CCSER1: variants seen among roughly 807,000 people sequenced by gnomAD.
The protein encoded by CCSER1 is serine-rich coiled-coil domain-containing protein 1.
A neutral mutation model predicts 82.0 loss-of-function variants in CCSER1; 41 were observed. The ratio of observed to expected loss-of-function variants is 0.50; its 90% CI spans 0.39 to 0.65. The LOEUF is 0.65. Ranked by LOEUF, CCSER1 falls within the 30% of genes least tolerant of loss-of-function variation. The pLI is 0.00. For synonymous variants in CCSER1, 414 were observed against 383.9 expected, an observed-to-expected ratio of 1.08 and a Z score of -0.92; for missense variants, 1,119 against 1,064.2, an observed-to-expected ratio of 1.05 and a Z score of -0.72.
intron 10 of CCSER1, among the ~76,000 whole-genome samples, chr4:91,457,939 A>G (rs1263417889): frequency 2.0e-5 from 3 of 152,166 alleles, no homozygotes; most frequent in Non-Finnish European, 2.9e-5. Context: ...ATGTCAGACT[A>G]TGAACTGATG....
At chr4:90,643,423 G>A (rs1463543078) in intron 6 of CCSER1, among the ~76,000 whole-genome samples, 2 of 152,090 alleles carry the variant, frequency 1.3e-5, no homozygotes, top group African/African-American at 4.8e-5. Context: ...CCGTGACATT[G>A]GAGCATTAGT....
chr4:91,520,723 C>T (rs1319867649), intron 10 of CCSER1, among the ~76,000 whole-genome samples: 4 of 152,042 alleles, frequency 2.6e-5, no homozygotes, highest in Non-Finnish European at 4.4e-5. Context: ...GCAACAAATT[C>T]CCTTAGTTTC....
intron 4 of CCSER1, among the ~76,000 whole-genome samples, chr4:90,425,016 C>A (rs896993325): frequency 2.6e-5 from 4 of 152,144 alleles, no homozygotes; most frequent in Non-Finnish European, 5.9e-5. Flanking sequence ...TTCAGGCCAT[C>A]GTTTTCCTCT....
At chr4:90,604,166 A>C (rs777662805) in intron 5 of CCSER1, among the ~76,000 whole-genome samples, 4 of 152,226 alleles carry the variant, frequency 2.6e-5, no homozygotes, top group Admixed American at 6.5e-5. Flanking sequence ...GAGATCATGC[A>C]TTTAACAAAT....
At chr4:90,220,428 C>T (rs1019326711) in intron 1 of CCSER1, among the ~76,000 whole-genome samples, 1 of 151,762 alleles carries the variant, frequency 6.6e-6, no homozygotes, top group African/African-American at 2.4e-5. Context: ...TGATTTTTTC[C>T]CCTGCACATG....
intron 10 of CCSER1, among the ~76,000 whole-genome samples, chr4:91,178,598 A>G (rs935126444): frequency 1.3e-5 from 2 of 152,068 alleles, no homozygotes; most frequent in Non-Finnish European, 2.9e-5. Context: ...GTTGGTTTAA[A>G]GTCTGTTGTA....
intron 10 of CCSER1, among the ~76,000 whole-genome samples, chr4:91,246,445 C>T (rs374505843): frequency 1.4e-4 from 21 of 151,810 alleles, no homozygotes; most frequent in East Asian, 1.9e-4. Flanking sequence ...GAAGACAGGA[C>T]GGAAGGAAGG....
At chr4:90,628,000 T>A (rs201775873) in intron 5 of CCSER1, 25 bp from the exon 6 acceptor site, 1 of 1,553,420 alleles carries the variant, frequency 6.4e-7, no homozygotes, top group African/African-American at 2.0e-5. Flanking sequence ...ACTGTAATTT[T>A]TGTTCTTTTT....
intron 10 of CCSER1, among the ~76,000 whole-genome samples, chr4:91,398,352 A>G (rs1480206656): frequency 6.6e-6 from 1 of 151,982 alleles, no homozygotes; most frequent in East Asian, 1.9e-4. Context: ...TGAAAACTGA[A>G]TTAAAAAAGA....
intron 9 of CCSER1, among the ~76,000 whole-genome samples, chr4:91,077,165 C>A (rs116889800): frequency 1.3e-5 from 2 of 152,082 alleles, no homozygotes; most frequent in African/African-American, 4.8e-5. Flanking sequence ...AATAGGGAAC[C>A]CCCATTAAAT....
At chr4:90,671,368 G>A (rs1394571819) in intron 6 of CCSER1, among the ~76,000 whole-genome samples, 1 of 152,030 alleles carries the variant, frequency 6.6e-6, no homozygotes, top group Non-Finnish European at 1.5e-5. Flanking sequence ...TATCAACTAA[G>A]TTTATGTCAT....
intron 9 of CCSER1, among the ~76,000 whole-genome samples, chr4:90,997,087 A>T (rs1226769911): frequency 1.3e-5 from 2 of 152,188 alleles, no homozygotes; most frequent in Non-Finnish European, 2.9e-5. Flanking sequence ...ACAGTGATTT[A>T]AATAATACAA....
chr4:90,864,320 A>T (rs756426421), intron 8 of CCSER1, among the ~76,000 whole-genome samples: 75 of 151,934 alleles, frequency 4.9e-4, no homozygotes, highest in Non-Finnish European at 9.1e-4. Context: ...TGTCCCCCAA[A>T]GTTCATGTGT....
At chr4:90,555,697 T>G (rs751030743) in intron 5 of CCSER1, among the ~76,000 whole-genome samples, 111 of 152,160 alleles carry the variant, frequency 7.3e-4, no homozygotes, top group Non-Finnish European at 1.2e-3. Flanking sequence ...TAAAGAAAAT[T>G]AGTAGTCTTT....
intron 1 of CCSER1, among the ~76,000 whole-genome samples, chr4:90,157,308 T>A (rs965696149): frequency 1.1e-4 from 17 of 152,278 alleles, no homozygotes; most frequent in African/African-American, 3.4e-4. Context: ...CCCTTAACAT[T>A]TTTTCCTTCA....
At chr4:90,168,251 C>A (rs1730906434) in intron 1 of CCSER1, among the ~76,000 whole-genome samples, 1 of 151,998 alleles carries the variant, frequency 6.6e-6, no homozygotes, top group African/African-American at 2.4e-5. Flanking sequence ...TTTCATGTGT[C>A]TTTTGGCTGC....
chr4:90,233,893 T>C (rs1467382260), intron 1 of CCSER1, among the ~76,000 whole-genome samples: 2 of 152,198 alleles, frequency 1.3e-5, no homozygotes, highest in Non-Finnish European at 2.9e-5. Context: ...AATCATTTAT[T>C]GGACACAATT....
At chr4:91,118,901 C>T (rs2148887608) in intron 10 of CCSER1, among the ~76,000 whole-genome samples, 1 of 152,160 alleles carries the variant, frequency 6.6e-6, no homozygotes, top group African/African-American at 2.4e-5. Context: ...ATTTAGAAAC[C>T]TTGATAATAT....
At chr4:91,492,715 G>A (rs963648373) in intron 10 of CCSER1, among the ~76,000 whole-genome samples, 2 of 152,022 alleles carry the variant, frequency 1.3e-5, no homozygotes, top group Non-Finnish European at 2.9e-5. Flanking sequence ...ATTTCTCTCT[G>A]GTCTAAGGCT....
Sources: allele counts gnomAD v4.1 joint callset (sites outside exome capture counted in the v4.1 genomes callset), GRCh38; gene constraint gnomAD v4.1.1; transcripts MANE v1.5; gene names NCBI Gene and HGNC (gene_info 2026-07-23, HGNC 2026-07-21).